The following DNAAF10 variants were observed in gnomAD, a reference collection of about 807,000 sequenced individuals.
DNAAF10 encodes the protein dynein axonemal assembly factor 10.
DNAAF10 carries 28 observed loss-of-function variants against 43.7 expected under a neutral mutation model. The ratio of observed to expected loss-of-function variants is 0.64; its 90% confidence interval spans 0.48 to 0.88. DNAAF10 has a LOEUF of 0.88. Ranked by LOEUF, DNAAF10 falls within the 40% of genes least tolerant of loss-of-function variation. The probability of loss-of-function intolerance (pLI) is 0.00; values close to 1 mark genes in which losing one functional copy is unlikely to be tolerated. For synonymous variants in DNAAF10, 156 were observed against 157.3 expected (o/e 0.99, Z 0.06); for missense variants, 403 against 439.1 (o/e 0.92, Z 0.73).
At chr2:68,153,545 G>A (rs1161871076) in intron 1 of DNAAF10, among the ~76,000 whole-genome samples, 1 of 151,906 alleles carries the variant, frequency 6.6e-6, no homozygotes, top group Non-Finnish European at 1.5e-5. Context: ...CCTTACTCCA[G>A]ATGCAACAAA....
chr2:68,143,483 A>C (rs1673240702), intron 3 of DNAAF10, among the ~76,000 whole-genome samples: 2 of 152,124 alleles, frequency 1.3e-5, no homozygotes. Context: ...TGGCCCAATA[A>C]ATTTTTTAAA....
At chr2:68,139,620 C>G (rs556576033) in intron 4 of DNAAF10, among the ~76,000 whole-genome samples, 1 of 140,804 alleles carries the variant, frequency 7.1e-6, no homozygotes. Flanking sequence ...CCTGTCTCTA[C>G]TAAAAAAAAA....
chr2:68,157,137 G>A (rs1251682152), intron 1 of DNAAF10, 124 bp downstream of exon 1: 53 of 1,309,960 alleles, frequency 4.0e-5, no homozygotes, highest in Non-Finnish European at 5.5e-5. Flanking sequence ...CAGCTTCTCT[G>A]GTCTCGCGCG....
chr2:68,149,117 C>A (rs1221248949), intron 1 of DNAAF10, among the ~76,000 whole-genome samples: 5 of 152,148 alleles, frequency 3.3e-5, no homozygotes, highest in Non-Finnish European at 7.4e-5. Context: ...CAATGTTTAT[C>A]CAGGCATTTC....
Position 68,147,546 on chromosome 2 carries a change from T to C in DNAAF10, c.205A>G (p.Lys69Glu). Reference protein sequence around the residue: ...LREIEKAKPIKCGTFGATSLQ... With the variant: ...LREIEKAKPIECGTFGATSLQ... ...GATGTTGCACCAAATGTTCCACATTTAATAGGTTTGGCCTTTTCAATCTTC... is the reference window on the plus strand; with the variant it reads ...GATGTTGCACCAAATGTTCCACATTCAATAGGTTTGGCCTTTTCAATCTTC... The change falls in exon 2 of 8, where the codon AAA becomes GAA. Residue 69 changes from lysine to glutamate, a missense_variant. Transcript: ENST00000295121. 6.2e-7 allele frequency: 1 copy of C among 1,611,628 alleles called. No homozygotes were observed. Among genetic ancestry groups the C allele is most frequent in the Non-Finnish European group, 8.5e-7 (1 of 1,178,952 alleles).
intron 4 of DNAAF10, 106 bp downstream of exon 4, chr2:68,141,588 G>T: frequency 4.6e-6 from 5 of 1,094,288 alleles, no homozygotes; most frequent in Non-Finnish European, 6.7e-6. Context: ...TAAACTATTA[G>T]AATAATCCAC....
rs1487508613 is a variant in DNAAF10, at chr2:68,129,963, TA to T, written c.*1274del. 1 of 151,974 alleles carries T rather than the reference TA, an allele frequency of 6.6e-6. No homozygotes were observed. The highest frequency in any genetic ancestry group is 6.6e-5 in the Admixed American group (1 of 15,254). The allele number at this position is 151,974 out of a possible 1,614,324, so 9.4% of individuals were successfully genotyped here. ...CAATCTTGTACATTTCACCATCACT[TA>T]CCACAGTCAAAAACCAAAAGTCTCA... On this transcript the variant is annotated 3_prime_UTR_variant, in exon 8 of 8. Transcript: ENST00000295121.
Position 68,130,653 on chromosome 2 carries a change from A to C in DNAAF10, c.*585T>G, listed in dbSNP as rs1352313495. The C allele has an allele frequency of 6.5e-6, 1 of 153,070 alleles. No homozygotes were observed. The highest frequency in any genetic ancestry group is 2.4e-5 in the African/African-American group (1 of 41,450). The allele number at this position is 153,070 out of a possible 1,614,324, so 9.5% of individuals were successfully genotyped here. On this transcript the variant is annotated 3_prime_UTR_variant, in exon 8 of 8. Transcript: ENST00000295121. ...ACAGAACAAATCTGAAATATGTTTA[A>C]TTATAGACAACTATTGACTTAGAAA...
intron 7 of DNAAF10, chr2:68,131,678 T>C: frequency 2.1e-6 from 1 of 472,832 alleles, no homozygotes; most frequent in East Asian, 3.8e-5. Flanking sequence ...CTTCTAAAAG[T>C]CATTTCTGCT....
At chr2:68,155,381 C>T (rs1321410780) in intron 1 of DNAAF10, among the ~76,000 whole-genome samples, 1 of 151,548 alleles carries the variant, frequency 6.6e-6, no homozygotes, top group Admixed American at 6.6e-5. Flanking sequence ...GTAATTCCAG[C>T]TACTAGGGAG....
chr2:68,132,912 G>A (rs1448994978), intron 7 of DNAAF10, among the ~76,000 whole-genome samples: 1 of 152,182 alleles, frequency 6.6e-6, no homozygotes, highest in African/African-American at 2.4e-5. Flanking sequence ...TTCCAGCTGC[G>A]AAAGTGTTCG....
chr2:68,151,971 T>C (rs913987576), intron 1 of DNAAF10, among the ~76,000 whole-genome samples: 5 of 152,376 alleles, frequency 3.3e-5, no homozygotes, highest in Admixed American at 3.3e-4. Context: ...TCCAGACTTT[T>C]TCCTCTAAAC....
chr2:68,138,099 T>C (rs1227006369), intron 5 of DNAAF10, among the ~76,000 whole-genome samples: 5 of 146,040 alleles, frequency 3.4e-5, no homozygotes, highest in Admixed American at 6.8e-5. Context: ...GGCATGAACC[T>C]GGGAGGCAGA....
At chr2:68,150,578 C>G (rs1673432412) in intron 1 of DNAAF10, among the ~76,000 whole-genome samples, 1 of 151,616 alleles carries the variant, frequency 6.6e-6, no homozygotes, top group Non-Finnish European at 1.5e-5. Context: ...ACTAAAAATA[C>G]AAAAATTAGC....
At chr2:68,145,151 A>G (rs1216781878) in intron 2 of DNAAF10, among the ~76,000 whole-genome samples, 1 of 151,970 alleles carries the variant, frequency 6.6e-6, no homozygotes, top group East Asian at 1.9e-4. Flanking sequence ...CAGGGAGGTC[A>G]AGGCTGCAGT....
intron 1 of DNAAF10, among the ~76,000 whole-genome samples, chr2:68,150,897 G>C (rs1442034554): frequency 6.6e-6 from 1 of 152,164 alleles, no homozygotes; most frequent in Non-Finnish European, 1.5e-5. Context: ...CCTGTGCAGA[G>C]ATAGAACTGA....
chr2:68,147,589 A>G, intron 1 of DNAAF10, 22 bp from the exon 2 acceptor site: 5 of 1,537,058 alleles, frequency 3.3e-6, no homozygotes, highest in Non-Finnish European at 4.4e-6. Context: ...GGAGGAAGAG[A>G]GGATATATTA....
In DNAAF10 at chr2:68,134,801, T is replaced by C. The variant is rs1418641527; in HGVS notation, c.769-2A>G. 6.2e-7 allele frequency: 1 copy of C among 1,613,472 alleles called. No homozygotes were observed. The highest frequency in any genetic ancestry group is 1.7e-5 in the Admixed American group (1 of 59,836). ...CTGCCACACAGTAGATTTATGAGCC[T>C]AAATAGAACAAGAGGCATACAACTG... On this transcript the variant is annotated splice_acceptor_variant, in intron 6 of 7. Coordinates refer to ENST00000295121, the MANE Select transcript of DNAAF10 (RefSeq NM_138458.4). LOFTEE classifies it high-confidence loss of function.
chr2:68,137,231 A>G, intron 6 of DNAAF10, 68 bp downstream of exon 6: 1 of 1,475,514 alleles, frequency 6.8e-7, no homozygotes, highest in Non-Finnish European at 9.0e-7. Context: ...CTTGGTGACT[A>G]ATTCTACTTA....
Sources: allele counts gnomAD v4.1 joint callset (sites outside exome capture counted in the v4.1 genomes callset), GRCh38; gene constraint gnomAD v4.1.1; transcripts MANE v1.5; gene names NCBI Gene and HGNC (gene_info 2026-07-23, HGNC 2026-07-21).